The following PWWP2A variants were observed in gnomAD, a reference collection of about 807,000 sequenced individuals.
The protein encoded by PWWP2A is PWWP domain-containing protein 2A.
A neutral mutation model predicts 48.5 loss-of-function variants in PWWP2A; 18 were observed. That is an observed-to-expected ratio of 0.37 (90% CI 0.26 to 0.55). PWWP2A has a LOEUF of 0.55. PWWP2A is among the 20% of genes least tolerant of loss of function. The pLI is 0.81. For synonymous variants in PWWP2A, 396 were observed against 387.7 expected, an observed-to-expected ratio of 1.02 and a Z score of -0.25; for missense variants, 867 against 976.4, an observed-to-expected ratio of 0.89 and a Z score of 1.49.
intron 1 of PWWP2A, among the ~76,000 whole-genome samples, chr5:160,097,579 G>A (rs1400193035): frequency 1.3e-5 from 2 of 151,048 alleles, no homozygotes; most frequent in African/African-American, 2.4e-5. Context: ...GCAGTGAGCC[G>A]AGATCGCACC....
chr5:160,098,273 G>A (rs187305994), intron 1 of PWWP2A, among the ~76,000 whole-genome samples: 1 of 152,192 alleles, frequency 6.6e-6, no homozygotes, highest in African/African-American at 2.4e-5. Context: ...GTGTAATGAT[G>A]AGTGAAAACT....
At chr5:160,071,255 T>G (rs576665338), downstream of PWWP2A, among the ~76,000 whole-genome samples, 1 of 152,330 alleles carries the variant, frequency 6.6e-6, no homozygotes, top group East Asian at 1.9e-4. Flanking sequence ...AGCTGGCCTC[T>G]GAGACTACTG....
chr5:160,054,165 C>CT, the PWWP2A span, among the ~76,000 whole-genome samples: 61 of 152,234 alleles, frequency 4.0e-4, no homozygotes, highest in African/African-American at 1.4e-3. Flanking sequence ...TTTAAAAGGA[C>CT]TTAAGGGTAT....
At chr5:160,111,946 GC>G (rs1186902786) in intron 1 of PWWP2A, among the ~76,000 whole-genome samples, 2 of 151,778 alleles carry the variant, frequency 1.3e-5, no homozygotes, top group Non-Finnish European at 2.9e-5. Flanking sequence ...GGGCAACAAA[GC>G]GAAACCCTGT....
At chr5:160,104,145 T>C (rs371406402) in intron 1 of PWWP2A, among the ~76,000 whole-genome samples, 1 of 69,332 alleles carries the variant, frequency 1.4e-5, no homozygotes, top group Non-Finnish European at 3.0e-5. Flanking sequence ...AAAAAAGAAA[T>C]GAAAAAAGAA....
In PWWP2A at chr5:160,092,855, T is replaced by C. The variant is rs1755224245; in HGVS notation, c.1795A>G (p.Ser599Gly). The change falls in exon 2 of 2, where the codon AGT becomes GGT. Residue 599 changes from serine (S) to glycine (G), a missense_variant. Transcript: ENST00000307063. ...DDLKSSNSECSSSESFDFPPG... is the reference protein window; with the variant it reads ...DDLKSSNSECGSSESFDFPPG... Reference sequence around the variant, plus strand: ...GGAAAATCAAAGCTTTCAGAAGAACTACACTCAGAGTTGGAAGATTTCAAA... The same window carrying C: ...GGAAAATCAAAGCTTTCAGAAGAACCACACTCAGAGTTGGAAGATTTCAAA... The C allele has an allele frequency of 6.4e-7, 1 of 1,551,604 alleles. No individual in the cohort carries two copies.
the PWWP2A span, among the ~76,000 whole-genome samples, chr5:160,048,637 G>A: frequency 2.6e-5 from 4 of 152,138 alleles, no homozygotes; most frequent in Admixed American, 2.6e-4. Flanking sequence ...GGAACAGTGA[G>A]GATTTAACTA....
At chr5:160,055,982 G>A in the PWWP2A span, among the ~76,000 whole-genome samples, 364 of 152,276 alleles carry the variant, frequency 2.4e-3, 1 homozygote, top group Non-Finnish European at 4.3e-3. Flanking sequence ...TACTTACTGG[G>A]TGTGCAGGGG....
chr5:160,054,847 G>C, the PWWP2A span, among the ~76,000 whole-genome samples: 1 of 151,992 alleles, frequency 6.6e-6, no homozygotes, highest in Non-Finnish European at 1.5e-5. Flanking sequence ...GTAAATTTTT[G>C]CTCACATAGG....
At chr5:160,113,739 T>C (rs1316601124) in intron 1 of PWWP2A, among the ~76,000 whole-genome samples, 2 of 152,176 alleles carry the variant, frequency 1.3e-5, no homozygotes, top group African/African-American at 4.8e-5. Context: ...CCAACAACTA[T>C]ATCCTTTATA....
At chr5:160,070,457 T>A (rs1347614733) in intron 2 of PWWP2A, among the ~76,000 whole-genome samples, 3 of 151,982 alleles carry the variant, frequency 2.0e-5, no homozygotes, top group Non-Finnish European at 2.9e-5. Flanking sequence ...TGGGTAACAG[T>A]GAGAGACCCT....
chr5:160,094,845 A>G lies in PWWP2A; in HGVS notation c.585-780T>C, dbSNP rs1013285812. On this transcript the variant is annotated intron_variant, in intron 1 of 1. Transcript: ENST00000307063. ...GGCAGATCACGAGGTCAGGAGATCG[A>G]GACCATCCTGGCGAACACGGTGAAA... Among the ~76,000 whole-genome samples, 6 of 152,072 alleles carry G rather than the reference A, an allele frequency of 3.9e-5. No individual in the cohort carries two copies. In the South Asian group the frequency reaches 1.0e-3, roughly 26 times the overall value.
At chr5:160,115,725 G>T (rs537189829) in intron 1 of PWWP2A, among the ~76,000 whole-genome samples, 2 of 151,856 alleles carry the variant, frequency 1.3e-5, no homozygotes, top group East Asian at 3.9e-4. Flanking sequence ...TTAGCCAGGC[G>T]TGGTGGTATG....
rs562013238 is a variant in PWWP2A at position 160,070,829 on chromosome 5, C to A, written c.*80-3958G>T. On this transcript the variant is annotated intron_variant and NMD_transcript_variant, in intron 2 of 5. Coordinates refer to the PWWP2A transcript ENST00000524050. ...CCAAAGACATGAATGTTTGTGTAAT[C>A]CATAAATGCTGAGAGTTGCAGTTCC... 9.2e-5 allele frequency among the ~76,000 whole-genome samples: 14 copies of A among 152,290 alleles called. No individual in the cohort carries two copies. The South Asian group carries it at 2.7e-3, about 29-fold the overall frequency.
the PWWP2A span, among the ~76,000 whole-genome samples, chr5:160,045,181 A>T: frequency 6.6e-6 from 1 of 152,118 alleles, no homozygotes; most frequent in African/African-American, 2.4e-5. Context: ...CGTGATTAGC[A>T]TGGTATGTTG....
chr5:160,073,346 A>G (rs150614971), downstream of PWWP2A, among the ~76,000 whole-genome samples: 1 of 150,730 alleles, frequency 6.6e-6, no homozygotes, highest in Admixed American at 6.6e-5. Context: ...CTCCTGCCTC[A>G]GCCTCCCGAG....
At chr5:160,097,705 T>TG (rs200445953) in intron 1 of PWWP2A, among the ~76,000 whole-genome samples, 2,195 of 86,320 alleles carry the variant, frequency 0.025, 85 homozygotes, top group African/African-American at 0.095. Context: ...GGTTTTTTTT[T>TG]TGGGGGGGGG....
chr5:160,076,252 T>C (rs1367403272), exon 4 of PWWP2A: 1 of 152,236 alleles, frequency 6.6e-6, no homozygotes, highest in Non-Finnish European at 1.5e-5. Context: ...TTATTACTTC[T>C]TGGTCATTTC....
At chr5:160,045,679 T>C in the PWWP2A span, among the ~76,000 whole-genome samples, 2 of 151,834 alleles carry the variant, frequency 1.3e-5, no homozygotes, top group African/African-American at 4.8e-5. Flanking sequence ...CTCACCTCAG[T>C]CTCCTAAGTA....
Sources: gnomAD v4.1 joint callset for allele counts (sites outside exome capture counted in the v4.1 genomes callset) on GRCh38, gnomAD v4.1.1 for gene constraint, MANE v1.5 for transcripts, NCBI Gene and HGNC (gene_info 2026-07-23, HGNC 2026-07-21) for gene names.